The following AGBL1 variants were observed in gnomAD, a reference collection of about 807,000 sequenced individuals.
The protein encoded by AGBL1 is AGBL carboxypeptidase 1.
In AGBL1, 130 loss-of-function variants were observed where a neutral mutation model predicts 118.9. The ratio of observed to expected loss-of-function variants is 1.09; its 90% CI spans 0.95 to 1.26. The LOEUF (loss-of-function observed/expected upper bound fraction) is 1.26, where lower values mean the gene tolerates loss of function less well. Among genes scored for constraint, AGBL1 ranks in the 50% most tolerant of loss-of-function variants. The pLI, the probability that AGBL1 is intolerant of heterozygous loss-of-function variation, is 0.00. For missense variants in AGBL1, 1,584 were observed against 1,298.1 expected (o/e 1.22, Z -3.38); for synonymous variants, 555 against 478.9 (o/e 1.16, Z -2.08).
At chr15:86,796,985 G>T (rs1210658213) in intron 22 of AGBL1, among the ~76,000 whole-genome samples, 1 of 152,194 alleles carries the variant, frequency 6.6e-6, no homozygotes, top group African/African-American at 2.4e-5. Flanking sequence ...ACAGAACATG[G>T]ACTCTGAACA....
chr15:86,821,252 A>G (rs1027063488), intron 22 of AGBL1, among the ~76,000 whole-genome samples: 34 of 152,082 alleles, frequency 2.2e-4, no homozygotes, highest in African/African-American at 8.0e-4. Context: ...AGTGCAGCAA[A>G]CCACCATGGC....
intron 22 of AGBL1, among the ~76,000 whole-genome samples, chr15:86,890,874 T>G (rs1456282729): frequency 6.6e-6 from 1 of 152,212 alleles, no homozygotes; most frequent in African/African-American, 2.4e-5. Flanking sequence ...CTATGCAGGC[T>G]CTTTTTTAGT....
chr15:86,761,805 CT>C (rs940065323), intron 22 of AGBL1, among the ~76,000 whole-genome samples: 1 of 151,930 alleles, frequency 6.6e-6, no homozygotes, highest in South Asian at 2.1e-4. Flanking sequence ...CTGATGATAG[CT>C]TTTTTTGCTG....
chr15:86,970,283 T>C (rs1362202820), intron 23 of AGBL1, among the ~76,000 whole-genome samples: 1 of 151,922 alleles, frequency 6.6e-6, no homozygotes, highest in Non-Finnish European at 1.5e-5. Flanking sequence ...TTAATAATAG[T>C]AGCAAATACT....
intron 18 of AGBL1, among the ~76,000 whole-genome samples, chr15:86,502,141 A>G (rs2082924765): frequency 6.6e-6 from 1 of 151,542 alleles, no homozygotes; most frequent in Non-Finnish European, 1.5e-5. Context: ...TTTGTGGTGT[A>G]AAAACCTTAC....
chr15:86,770,494 G>A (rs2078161612), intron 22 of AGBL1, among the ~76,000 whole-genome samples: 1 of 151,978 alleles, frequency 6.6e-6, no homozygotes, highest in Admixed American at 6.6e-5. Context: ...CAAAATGTCA[G>A]TAGTGCTAAG....
chr15:86,631,758 C>T (rs1022282639), intron 21 of AGBL1, among the ~76,000 whole-genome samples: 1 of 152,158 alleles, frequency 6.6e-6, no homozygotes, highest in African/African-American at 2.4e-5. Context: ...TTCTCATAGC[C>T]AACCCCAGGT....
chr15:86,671,567 C>A (rs954363697), intron 21 of AGBL1, among the ~76,000 whole-genome samples: 18 of 152,084 alleles, frequency 1.2e-4, no homozygotes, highest in African/African-American at 4.3e-4. Context: ...TGATAACTGA[C>A]CAAAGTGGAG....
At chr15:86,650,908 T>C (rs2085358596) in intron 21 of AGBL1, among the ~76,000 whole-genome samples, 1 of 152,240 alleles carries the variant, frequency 6.6e-6, no homozygotes, top group Non-Finnish European at 1.5e-5. Flanking sequence ...TTTGGGGATT[T>C]CATTGACTTC....
At chr15:86,840,946 C>G (rs1452457) in intron 22 of AGBL1, among the ~76,000 whole-genome samples, 28,245 of 152,036 alleles carry the variant, frequency 0.19, 2,814 homozygotes, top group Admixed American at 0.27. Flanking sequence ...TACTGCAACT[C>G]ACAAACAACA....
intron 17 of AGBL1, among the ~76,000 whole-genome samples, chr15:86,370,461 T>A (rs1026682987): frequency 2.0e-5 from 3 of 152,126 alleles, no homozygotes; most frequent in African/African-American, 7.2e-5. Context: ...CCCGCCATCA[T>A]GACTGGCTAA....
chr15:87,023,629 A>T (rs368379266), intron 24 of AGBL1, among the ~76,000 whole-genome samples: 23 of 152,222 alleles, frequency 1.5e-4, no homozygotes, highest in East Asian at 7.7e-4. Context: ...CCTAGAACGA[A>T]TGGACTTAAC....
chr15:86,939,877 T>C (rs1274848365), intron 23 of AGBL1: 2 of 21,546 alleles, frequency 9.3e-5, no homozygotes, highest in Non-Finnish European at 3.1e-4. Context: ...ACGCTGTTTC[T>C]TTTTTTATTT....
intron 22 of AGBL1, among the ~76,000 whole-genome samples, chr15:86,858,430 C>T (rs1043956691): frequency 1.3e-5 from 2 of 151,532 alleles, no homozygotes; most frequent in African/African-American, 4.9e-5. Flanking sequence ...CAGTTTCTGA[C>T]TTCAAGCAGT....
intron 21 of AGBL1, among the ~76,000 whole-genome samples, chr15:86,635,458 T>C (rs1016562013): frequency 2.0e-5 from 3 of 151,590 alleles, no homozygotes; most frequent in African/African-American, 7.3e-5. Context: ...CAGGTTGCTG[T>C]GGAGGTAACT....
intron 6 of AGBL1, 136 bp downstream of exon 6, chr15:86,225,087 T>C: frequency 1.1e-6 from 1 of 893,418 alleles, no homozygotes; most frequent in Non-Finnish European, 1.7e-6. Context: ...GGCTAATTCC[T>C]GACCTTGAAA....
chr15:86,362,751 G>A (rs572510375), intron 17 of AGBL1, among the ~76,000 whole-genome samples: 3 of 152,208 alleles, frequency 2.0e-5, no homozygotes, highest in Non-Finnish European at 4.4e-5. Context: ...CAGGGCTAGA[G>A]CTGAGTCACA....
At chr15:86,929,443 A>T (rs1160774031) in intron 23 of AGBL1, among the ~76,000 whole-genome samples, 12 of 152,198 alleles carry the variant, frequency 7.9e-5, no homozygotes, top group Non-Finnish European at 2.9e-5. Context: ...AACTGATCAC[A>T]TTCCCCTCCA....
chr15:86,365,591 C>T (rs2080874658), intron 17 of AGBL1, among the ~76,000 whole-genome samples: 1 of 152,196 alleles, frequency 6.6e-6, no homozygotes, highest in Non-Finnish European at 1.5e-5. Flanking sequence ...TACATTCTCT[C>T]TCTATACCCA....
Sources: allele counts gnomAD v4.1 joint callset (sites outside exome capture counted in the v4.1 genomes callset), GRCh38; gene constraint gnomAD v4.1.1; transcripts MANE v1.5; gene names NCBI Gene and HGNC (gene_info 2026-07-23, HGNC 2026-07-21).